Variants in ZNF347 observed in about 807,000 individuals in gnomAD.
The protein encoded by ZNF347 is CTD-2620I22.7.
Under a neutral mutation model 12.9 loss-of-function variants are expected in ZNF347, and 19 were observed. The ratio of observed to expected loss-of-function variants is 1.47; its 90% CI spans 1.03 to 2.16. The LOEUF is 2.16. ZNF347 is among the 30% of genes most tolerant of loss of function. ZNF347 has a pLI of 0.00. For missense variants in ZNF347, 1,005 were observed against 990.6 expected, an observed-to-expected ratio of 1.01 and a Z score of -0.19; for synonymous variants, 328 against 340.6, an observed-to-expected ratio of 0.96 and a Z score of 0.41.
In ZNF347 at chr19:53,140,616, T is replaced by C; in HGVS notation, c.2212A>G (p.Lys738Glu). 6.2e-7 allele frequency: 1 copy of C among 1,613,548 alleles called. No homozygotes were observed. The highest frequency in any genetic ancestry group is 1.1e-5 in the South Asian group (1 of 91,054). The change falls in exon 5 of 5, where the codon AAA becomes GAA. Residue 738 changes from lysine (K) to glutamate (E), a missense_variant. Lys to Glu is a moderately conservative substitution (Grantham distance 56). Transcript: ENST00000334197. ...QAIHTGKKPY[K>E]CNECGKVFTQ... The stretch of plus-strand genomic sequence containing the variant: ...AAGACCTTCCCACACTCATTGCATT[T>C]GTAAGGTTTTTTTCCAGTATGGATT...
intron 1 of ZNF347, 137 bp from the exon 2 acceptor site, chr19:53,153,930 A>G: frequency 1.5e-6 from 1 of 648,402 alleles, no homozygotes; most frequent in South Asian, 1.9e-5. Context: ...CTGTGGAAAG[A>G]TGGTCTCAGC....
rs772075484 is a variant in ZNF347, at chr19:53,142,170, CTG to C, written c.656_657del (p.Ser219CysfsTer10). On this transcript the variant is annotated frameshift_variant, in exon 5 of 5. Coordinates refer to ENST00000334197, the MANE Select transcript of ZNF347 (RefSeq NM_032584.3). LOFTEE classifies it low-confidence loss of function (END_TRUNC). Reference sequence around the variant, plus strand: ...TAAGGCATTTGTTGAGGTGGTGAAACTGAGGAATTATTGTTGAAAGACTTCTC... The same window carrying C: ...TAAGGCATTTGTTGAGGTGGTGAAACAGGAATTATTGTTGAAAGACTTCTC... The part of the protein sequence containing the change: ...QVEKSFNNNS[S>X]VSPPQQMPYN... 7.4e-6 allele frequency: 12 copies of C among 1,613,904 alleles called. No individual in the cohort carries two copies. Among genetic ancestry groups the C allele is most frequent in the South Asian group, 1.1e-5 (1 of 91,008 alleles).
Position 53,137,551 on chromosome 19 carries a change from G to C in ZNF347, c.*2757C>G, listed in dbSNP as rs2090394189. On this transcript the variant is annotated 3_prime_UTR_variant, in exon 5 of 5. Coordinates refer to ENST00000334197, the MANE Select transcript of ZNF347 (RefSeq NM_032584.3). ...CATTTCCCTAAAACTTCATTGTTCA[G>C]CATCCTCATTTTCCATATCTAAACC... The C allele has an allele frequency of 6.6e-6, 1 of 152,138 alleles. No individual in the cohort carries two copies. Among genetic ancestry groups the C allele is most frequent in the Non-Finnish European group, 1.5e-5 (1 of 68,030 alleles). The allele number at this position is 152,138 out of a possible 1,614,324, so 9.4% of individuals were successfully genotyped here. A position where few individuals can be genotyped will look rare whatever the true frequency, so the allele number is the denominator to read the frequency against.
chr19:53,159,053 T>C lies in ZNF347; in HGVS notation c.-91A>G, dbSNP rs10417172. On this transcript the variant is annotated 5_prime_UTR_variant, in exon 1 of 5. Transcript: ENST00000334197. Reference sequence around the variant, plus strand: ...ACCCAACACGATCCGCTTCCGGAACTGCAGAAAACTGCGCGTGCGCGGAAA... The same window carrying C: ...ACCCAACACGATCCGCTTCCGGAACCGCAGAAAACTGCGCGTGCGCGGAAA... The C allele has an allele frequency of 0.16, 24,767 of 152,186 alleles. 2,733 individuals are homozygous for C. The highest frequency in any genetic ancestry group is 0.31 in the African/African-American group (12,769 of 41,484). 9.4% of individuals were successfully genotyped at this position (152,186 alleles called of 1,614,324 possible).
intron 4 of ZNF347, among the ~76,000 whole-genome samples, chr19:53,144,545 C>T (rs1238708644): frequency 6.6e-6 from 1 of 151,974 alleles, no homozygotes; most frequent in Non-Finnish European, 1.5e-5. Context: ...AATAGGTCAT[C>T]CAGGCAGAAA....
At chr19:53,157,694 C>T (rs865970900) in intron 1 of ZNF347, among the ~76,000 whole-genome samples, 5 of 152,166 alleles carry the variant, frequency 3.3e-5, no homozygotes, top group Non-Finnish European at 5.9e-5. Context: ...AGATCCCAGG[C>T]CTCCCCCTGC....
At chr19:53,157,504 C>T (rs1336977060) in intron 1 of ZNF347, among the ~76,000 whole-genome samples, 3 of 152,092 alleles carry the variant, frequency 2.0e-5, no homozygotes, top group Non-Finnish European at 4.4e-5. Context: ...CTTCTTCCTC[C>T]GCTTGCACCT....
Position 53,140,294 on chromosome 19 carries a change from A to G in ZNF347, c.*14T>C. On this transcript the variant is annotated 3_prime_UTR_variant, in exon 5 of 5. Transcript: ENST00000334197. ...TGCAAAAGTTACCACCTTCATTTGT[A>G]AGGTTTCTCTCCACTATGAATTCTG... The G allele has an allele frequency of 6.6e-7, 1 of 1,524,898 alleles. No individual in the cohort carries two copies. The highest frequency in any genetic ancestry group is 8.8e-7 in the Non-Finnish European group (1 of 1,138,888). The allele number at this position is 1,524,898 out of a possible 1,614,324, so 94.5% of individuals were successfully genotyped here. A position where few individuals can be genotyped will look rare whatever the true frequency, so the allele number is the denominator to read the frequency against.
At chr19:53,143,219 ATATTTATT>A (rs761824990) in intron 4 of ZNF347, among the ~76,000 whole-genome samples, 1 of 152,000 alleles carries the variant, frequency 6.6e-6, no homozygotes, top group Non-Finnish European at 1.5e-5. Flanking sequence ...GGATGTTTTT[ATATTTATT>A]TATTTATTTT....
chr19:53,149,390 C>A, intron 2 of ZNF347, 23 bp from the exon 3 acceptor site: 2 of 1,612,930 alleles, frequency 1.2e-6, no homozygotes, highest in Non-Finnish European at 1.7e-6. Context: ...ACACATCCAC[C>A]AGGGGGATAT....
chr19:53,147,117 G>GT (rs1599856451), intron 4 of ZNF347, among the ~76,000 whole-genome samples: 2 of 152,130 alleles, frequency 1.3e-5, no homozygotes, highest in African/African-American at 4.8e-5. Flanking sequence ...GCTCACGCCT[G>GT]TAATCCCAGC....
Position 53,141,182 on chromosome 19 carries a change from G to A in ZNF347, c.1646C>T (p.Ala549Val), listed in dbSNP as rs370017899. 2.5e-5 allele frequency: 40 copies of A among 1,608,244 alleles called. No homozygotes were observed. In the Middle Eastern group the frequency reaches 5.0e-4, roughly 20 times the overall value. The change falls in exon 5 of 5, where the codon GCC becomes GTC. Residue 549 changes from alanine (A) to valine (V), a missense_variant. By Grantham distance (64) the Ala-to-Val change is moderately conservative. Transcript: ENST00000334197. Reference sequence around the variant, plus strand: ...AGTTAGGCTTGAATACACACTGAAGGCTTTGCCGCACTCATTACACATATA... The same window carrying A: ...AGTTAGGCTTGAATACACACTGAAGACTTTGCCGCACTCATTACACATATA... ...KPYMCNECGK[A>V]FSVYSSLTTH...
chr19:53,143,935 C>T (rs10408917), intron 4 of ZNF347, among the ~76,000 whole-genome samples: 33,631 of 152,020 alleles, frequency 0.22, 4,304 homozygotes, highest in African/African-American at 0.34. Context: ...TGGTGTGAGA[C>T]GTAAGCCTTA....
intron 1 of ZNF347, among the ~76,000 whole-genome samples, chr19:53,155,904 T>C (rs1004580339): frequency 4.0e-5 from 6 of 151,208 alleles, no homozygotes; most frequent in Non-Finnish European, 8.9e-5. Flanking sequence ...GGAGGTCTTT[T>C]CCTTTAGTCT....
In ZNF347 at chr19:53,149,029, G is replaced by C. The variant is rs75972953; in HGVS notation, c.142+212C>G. 2.7e-3 allele frequency: 3,068 copies of C among 1,136,886 alleles called. 50 individuals are homozygous for C. In the African/African-American group the frequency reaches 0.034, roughly 13 times the overall value. The allele number at this position is 1,136,886 out of a possible 1,614,324, so 70.4% of individuals were successfully genotyped here. A position where few individuals can be genotyped will look rare whatever the true frequency, so the allele number is the denominator to read the frequency against. On this transcript the variant is annotated intron_variant, in intron 3 of 4. Transcript: ENST00000334197. ...AATCAAAGCATGGGGATAGAAAACA[G>C]GGAATTGGATATTTTAAAAGTCCTG... is the stretch of plus-strand genomic sequence containing the variant.
intron 1 of ZNF347, among the ~76,000 whole-genome samples, chr19:53,154,638 T>G (rs2090520286): frequency 1.3e-5 from 2 of 152,128 alleles, no homozygotes; most frequent in Admixed American, 6.6e-5. Context: ...CTTAACGGGA[T>G]GTCCTAAAAG....
rs112875957 is a variant in ZNF347, at chr19:53,138,957, C to T, written c.*1351G>A. The stretch of plus-strand genomic sequence containing the variant: ...AACCATGGTATTCTGGTTTTTCTGA[C>T]CAAGCTCTCCACTCTAATAACTGTT... On this transcript the variant is annotated 3_prime_UTR_variant, in exon 5 of 5. Transcript: ENST00000334197. The T allele has an allele frequency of 2.5e-3, 376 of 152,232 alleles. 1 individual carries two copies. The highest frequency in any genetic ancestry group is 8.7e-3 in the African/African-American group (363 of 41,536). The allele number at this position is 152,232 out of a possible 1,614,324, so 9.4% of individuals were successfully genotyped here.
Position 53,142,024 on chromosome 19 carries a change from C to T in ZNF347, c.804G>A (p.Met268Ile). ...GSPYKSNGCG[M>I]VFPQNSHLAS... ...CAAGGTGTGAATTTTGAGGAAAGAC[C>T]ATGCCACATCCATTAGATTTGTAAG... Residue 268 changes from methionine (M) to isoleucine (I), a missense_variant, in exon 5 of 5, where the codon ATG (methionine) becomes ATA (isoleucine). Transcript: ENST00000334197. 1 of 1,614,056 alleles carries T rather than the reference C, an allele frequency of 6.2e-7. No homozygotes were observed. Among genetic ancestry groups the T allele is most frequent in the Non-Finnish European group, 8.5e-7 (1 of 1,179,976 alleles).
At position 53,149,386 on chromosome 19, in the gene ZNF347, C is replaced by A; in HGVS notation, c.16-19G>T. ...CCTGTCCCTAAAATGAAAAACACATCCACCAGGGGGATATAAGGAAAAGCT... is the reference window on the plus strand; with the variant it reads ...CCTGTCCCTAAAATGAAAAACACATACACCAGGGGGATATAAGGAAAAGCT... On this transcript the variant is annotated intron_variant, in intron 2 of 4. Transcript: ENST00000334197. The A allele has an allele frequency of 6.2e-7, 1 of 1,613,178 alleles. No individual in the cohort carries two copies.
Sources: gnomAD v4.1 joint callset for allele counts (sites outside exome capture counted in the v4.1 genomes callset) on GRCh38, gnomAD v4.1.1 for gene constraint, MANE v1.5 for transcripts, NCBI Gene and HGNC (gene_info 2026-07-23, HGNC 2026-07-21) for gene names.